MOV10: variants seen among roughly 807,000 people sequenced by gnomAD.
MOV10 encodes the protein RNA helicase MOV-10.
Under a neutral mutation model 108.4 loss-of-function variants are expected in MOV10, and 39 were observed. The ratio of observed to expected loss-of-function variants is 0.36; its 90% confidence interval spans 0.28 to 0.47. MOV10 has a LOEUF of 0.47. Ranked by LOEUF, MOV10 falls within the 20% of genes least tolerant of loss-of-function variation. MOV10 has a pLI of 1.00. For missense variants in MOV10, 952 were observed against 1,297.6 expected, an observed-to-expected ratio of 0.73 and a Z score of 4.09; for synonymous variants, 490 against 523.1, an observed-to-expected ratio of 0.94 and a Z score of 0.86.
chr1:112,689,292 G>A (rs112433463), intron 3 of MOV10, 123 bp from the exon 4 acceptor site: 2 of 1,211,466 alleles, frequency 1.7e-6, no homozygotes, highest in African/African-American at 1.5e-5. Flanking sequence ...CTGCTGGGAG[G>A]GGGTGAGTTT....
intron 17 of MOV10, 163 bp from the exon 18 acceptor site, chr1:112,699,522 C>G: frequency 6.8e-7 from 1 of 1,464,654 alleles, no homozygotes; most frequent in Non-Finnish European, 9.0e-7. Context: ...CACAGCCTAC[C>G]TCCCATCCCC....
intron 13 of MOV10, 23 bp from the exon 14 acceptor site, chr1:112,696,607 C>T: frequency 6.2e-7 from 1 of 1,613,450 alleles, no homozygotes; most frequent in Non-Finnish European, 8.5e-7. Context: ...TACCTTTCTT[C>T]CCACACCTCT....
At chr1:112,695,605 G>A (rs771233971) in intron 11 of MOV10, 31 bp downstream of exon 11, 18 of 1,604,522 alleles carry the variant, frequency 1.1e-5, no homozygotes, top group Non-Finnish European at 1.5e-5. Context: ...GCCAAAGAAT[G>A]GCAAATGCCG....
intron 16 of MOV10, 88 bp from the exon 17 acceptor site, chr1:112,698,627 T>C: frequency 6.7e-7 from 1 of 1,493,232 alleles, no homozygotes; most frequent in Non-Finnish European, 9.3e-7. Context: ...CCGCCTCCCT[T>C]TGTTCCCCAG....
chr1:112,684,139 A>G (rs895586844), intron 2 of MOV10, among the ~76,000 whole-genome samples: 2 of 150,188 alleles, frequency 1.3e-5, no homozygotes, highest in African/African-American at 4.9e-5. Context: ...AATTCTTTGT[A>G]GAGACAGGGA....
chr1:112,694,404 C>A lies in MOV10; in HGVS notation c.1296-49C>A, dbSNP rs753909579. On this transcript the variant is annotated intron_variant, in intron 8 of 20. Transcript: ENST00000369645. This position sits in a 1 kb window ranked among gnomAD's most constrained non-coding sequence, Gnocchi z 4.1. ...TGGAGAAAGTTCTGGCCCTTTATTG[C>A]CCACCTCCCCTGCCCCAACAAACTC... 1 of 1,607,872 alleles carries A rather than the reference C, an allele frequency of 6.2e-7. No individual in the cohort carries two copies. The highest frequency in any genetic ancestry group is 8.5e-7 in the Non-Finnish European group (1 of 1,176,004).
Position 112,689,422 on chromosome 1 carries a change from T to C in MOV10, c.349T>C (p.Tyr117His). Reference protein sequence around the residue: ...LAKIFYDRAEYLHGKHGVDVE... With the variant: ...LAKIFYDRAEHLHGKHGVDVE... ...GACTCCCCTTCTCCCCAGGGCTGAG[T>C]ATCTTCATGGGAAACATGGTGTGGA... is the stretch of plus-strand genomic sequence containing the variant. Residue 117 changes from tyrosine (Y) to histidine (H), a missense_variant, in exon 4 of 21, where the codon TAT becomes CAT. This residue lies in a region of MOV10 where 374 missense variants were observed against 468.6 expected (regional missense o/e 0.80). Transcript: ENST00000369645. 1.4e-6 allele frequency: 2 copies of C among 1,432,982 alleles called. No individual in the cohort carries two copies. Among genetic ancestry groups the C allele is most frequent in the Non-Finnish European group, 1.9e-6 (2 of 1,061,134 alleles). 88.8% of individuals were successfully genotyped at this position (1,432,982 alleles called of 1,614,324 possible).
intron 11 of MOV10, 100 bp from the exon 12 acceptor site, chr1:112,696,048 A>G: frequency 2.3e-6 from 2 of 857,190 alleles, no homozygotes; most frequent in Non-Finnish European, 3.8e-6. Flanking sequence ...TCAATTAAAA[A>G]AAATAAAAAT....
intron 6 of MOV10, among the ~76,000 whole-genome samples, chr1:112,692,277 A>G (rs552005766): frequency 6.6e-6 from 1 of 152,190 alleles, no homozygotes; most frequent in Non-Finnish European, 1.5e-5. Context: ...GGACACAGTG[A>G]GTGAGCCCAG....
Position 112,694,856 on chromosome 1 carries a change from G to A in MOV10, c.1580G>A (p.Gly527Asp). ...PAPYIIFGPP[G>D]TGKTVTLVEA... ...CCCTACATCATCTTTGGGCCTCCAG[G>A]CACCGGCAAGACTGTCACGTTAGTG... Residue 527 changes from glycine (G) to aspartate (D), a missense_variant, in exon 10 of 21, where the codon GGC becomes GAC. By Grantham distance (94) the Gly-to-Asp change is moderately conservative. Around this residue, in one of 5 missense-constraint regions of MOV10, gnomAD observed 453 missense variants for 611.5 expected, o/e 0.74. Coordinates refer to ENST00000369645, the MANE Select transcript of MOV10 (RefSeq NM_001321324.2). This position sits in a 1 kb window ranked among gnomAD's most constrained non-coding sequence, Gnocchi z 4.1. 2 of 1,614,054 alleles carry A rather than the reference G, an allele frequency of 1.2e-6. No individual in the cohort carries two copies. Among genetic ancestry groups the A allele is most frequent in the Non-Finnish European group, 1.7e-6 (2 of 1,179,958 alleles).
intron 14 of MOV10, 159 bp from the exon 15 acceptor site, chr1:112,697,835 A>G (rs1674248287): frequency 1.5e-6 from 1 of 674,230 alleles, no homozygotes; most frequent in South Asian, 1.7e-5. Context: ...TGTGGTTTAC[A>G]GTGCCTGGCA....
At position 112,696,446 on chromosome 1, in the gene MOV10, G is replaced by T. The variant is rs61742214; in HGVS notation, c.1893G>T (p.Ser631=). ...GCCTGACACCTCCCAGGTTGGTCTC[G>T]GCCCAGTTTCCCATTGATCACTTCA... is the stretch of plus-strand genomic sequence containing the variant. ...TTLITAGRLV[S]AQFPIDHFTH... The change falls in exon 13 of 21, where the codon TCG becomes TCT. Residue 631 remains serine (S), a synonymous_variant. Coordinates refer to ENST00000369645, the MANE Select transcript of MOV10 (RefSeq NM_001321324.2). 6.2e-7 allele frequency: 1 copy of T among 1,613,870 alleles called. No homozygotes were observed. Among genetic ancestry groups the T allele is most frequent in the African/African-American group, 1.3e-5 (1 of 75,008 alleles).
rs1330499584 is a variant in MOV10, at chr1:112,698,491, G to A, written c.2508+13G>A. 1 of 1,612,380 alleles carries A rather than the reference G, an allele frequency of 6.2e-7. No individual in the cohort carries two copies. The highest frequency in any genetic ancestry group is 8.5e-7 in the Non-Finnish European group (1 of 1,179,390). Reference sequence around the variant, plus strand: ...GTACCGGAAACAGGTCAGGTCCTCAGTTACCAGCAAGGGTGGGGCCCCTCC... The same window carrying A: ...GTACCGGAAACAGGTCAGGTCCTCAATTACCAGCAAGGGTGGGGCCCCTCC... On this transcript the variant is annotated intron_variant, in intron 16 of 20. Transcript: ENST00000369645.
Position 112,675,921 on chromosome 1 carries a change from A to C in MOV10, c.137+872A>C, listed in dbSNP as rs1027544024. ...CTTAATAACAGACCTCCCGAAAAAG[A>C]CCTTGGGTTTTAGCAGACCAGAGGG... is the stretch of plus-strand genomic sequence containing the variant. On this transcript the variant is annotated intron_variant, in intron 2 of 20. Coordinates refer to ENST00000369645, the MANE Select transcript of MOV10 (RefSeq NM_001321324.2). The surrounding 1 kb of genome is among the most constrained non-coding windows in gnomAD (Gnocchi z 4.7). 2.6e-5 allele frequency among the ~76,000 whole-genome samples: 4 copies of C among 152,172 alleles called. No homozygotes were observed. The highest frequency in any genetic ancestry group is 4.4e-5 in the Non-Finnish European group (3 of 68,032).
rs1570796041 is a variant in MOV10, at chr1:112,694,093, C to T, written c.1216C>T (p.His406Tyr). The T allele has an allele frequency of 1.9e-6, 3 of 1,614,036 alleles. No homozygotes were observed. The highest frequency in any genetic ancestry group is 1.7e-6 in the Non-Finnish European group (2 of 1,179,934). ...HLFALLSSET[H>Y]QEDPITYKGF... ...GTTTGCCCTTTTGTCCTCGGAGACA[C>T]ACCAGGAGGACCCCATCACATATAA... The change falls in exon 8 of 21, where the codon CAC (histidine) becomes TAC (tyrosine). Residue 406 changes from histidine (H) to tyrosine (Y), a missense_variant. Around this residue, in one of 5 missense-constraint regions of MOV10, gnomAD observed 453 missense variants for 611.5 expected, o/e 0.74. Coordinates refer to ENST00000369645, the MANE Select transcript of MOV10 (RefSeq NM_001321324.2). This position sits in a 1 kb window ranked among gnomAD's most constrained non-coding sequence, Gnocchi z 4.1.
At position 112,694,198 on chromosome 1, in the gene MOV10, G is replaced by T. The variant is rs369502760; in HGVS notation, c.1295+26G>T. On this transcript the variant is annotated intron_variant, in intron 8 of 20. Transcript: ENST00000369645. The surrounding 1 kb of genome is among the most constrained non-coding windows in gnomAD (Gnocchi z 4.1). ...GTGGGTGTTGGGGGAACCCTGAGCT[G>T]CTGGAAGGGTCTACAGACTTCTGAC... 1.9e-6 allele frequency: 3 copies of T among 1,613,626 alleles called. No individual in the cohort carries two copies. In the South Asian group the frequency reaches 3.3e-5, roughly 18 times the overall value.
At chr1:112,689,217 G>C in intron 3 of MOV10, 79 bp downstream of exon 3, 3 of 1,439,802 alleles carry the variant, frequency 2.1e-6, no homozygotes, top group Middle Eastern at 2.4e-4. Flanking sequence ...TGAGGAAAGA[G>C]TGGGTTACAC....
Position 112,690,097 on chromosome 1 carries a change from C to A in MOV10, c.835C>A (p.Arg279Ser). The A allele has an allele frequency of 6.2e-7, 1 of 1,612,614 alleles. No individual in the cohort carries two copies. The highest frequency in any genetic ancestry group is 8.5e-7 in the Non-Finnish European group (1 of 1,179,196). Residue 279 changes from arginine to serine, a missense_variant and splice_region_variant, in exon 5 of 21, where the codon CGC becomes AGC. Physicochemically the swap from Arg to Ser is moderately radical, Grantham distance 110. Transcript: ENST00000369645. ...NRIEEGERPD[R>S]AKGYDLELSM... Reference sequence around the variant, plus strand: ...GATAGAGGAAGGAGAGAGACCTGACCGGTAACTCCTCCCTCCAACTCAGCC... The same window carrying A: ...GATAGAGGAAGGAGAGAGACCTGACAGGTAACTCCTCCCTCCAACTCAGCC...
intron 16 of MOV10, 116 bp downstream of exon 16, chr1:112,698,594 C>G (rs1014094979): frequency 6.9e-7 from 1 of 1,439,540 alleles, no homozygotes; most frequent in African/African-American, 1.4e-5. Flanking sequence ...CTCCGTATCT[C>G]AGAAGAGCAC....
Sources: gnomAD v4.1 joint callset for allele counts (sites outside exome capture counted in the v4.1 genomes callset) on GRCh38, gnomAD v4.1.1 for gene constraint, gnomAD v4.1.1 regional missense constraint, Gnocchi (gnomAD v3.1) non-coding constraint, MANE v1.5 for transcripts, NCBI Gene and HGNC (gene_info 2026-07-23, HGNC 2026-07-21) for gene names.